CNTNAP2: variants seen among roughly 807,000 people sequenced by gnomAD.
CNTNAP2 encodes contactin associated protein 2.
In CNTNAP2, 98 loss-of-function variants were observed where a neutral mutation model predicts 155.2. The ratio of observed to expected loss-of-function variants is 0.63; its 90% CI spans 0.54 to 0.75. The LOEUF is 0.75. CNTNAP2 is among the 30% of genes least tolerant of loss of function. The pLI, the probability that CNTNAP2 is intolerant of heterozygous loss-of-function variation, is 0.00. For synonymous variants in CNTNAP2, 651 were observed against 631.2 expected, an observed-to-expected ratio of 1.03 and a Z score of -0.47; for missense variants, 1,727 against 1,688.1, an observed-to-expected ratio of 1.02 and a Z score of -0.40.
chr7:146,999,812 T>C (rs928649032), intron 3 of CNTNAP2, among the ~76,000 whole-genome samples: 1 of 152,106 alleles, frequency 6.6e-6, no homozygotes. Context: ...CCAAATCCTC[T>C]TTTTTCTTTG....
intron 13 of CNTNAP2, among the ~76,000 whole-genome samples, chr7:147,880,151 A>G (rs1799493883): frequency 6.6e-6 from 1 of 152,200 alleles, no homozygotes; most frequent in African/African-American, 2.4e-5. Context: ...TTGATTCAGG[A>G]GCTGGACCTC....
At chr7:147,949,019 C>G (rs58011827) in intron 14 of CNTNAP2, among the ~76,000 whole-genome samples, 1 of 151,430 alleles carries the variant, frequency 6.6e-6, no homozygotes, top group Non-Finnish European at 1.5e-5. Context: ...CTGAACAACA[C>G]GGAGAAACCC....
intron 11 of CNTNAP2, among the ~76,000 whole-genome samples, chr7:147,498,168 T>C (rs1460352337): frequency 1.0e-5 from 1 of 97,374 alleles, no homozygotes; most frequent in South Asian, 3.0e-4. Flanking sequence ...GCCCAAGCTA[T>C]GATAAAAAAA....
chr7:148,323,680 A>G (rs993458694), intron 21 of CNTNAP2, among the ~76,000 whole-genome samples: 16 of 152,082 alleles, frequency 1.1e-4, no homozygotes, highest in Admixed American at 7.2e-4. Flanking sequence ...TCTAATAGTC[A>G]CCATCTGTGT....
At chr7:146,151,662 A>G (rs777140591) in intron 1 of CNTNAP2, among the ~76,000 whole-genome samples, 1,022 of 43,648 alleles carry the variant, frequency 0.023, 28 homozygotes, top group Non-Finnish European at 0.035. Context: ...ATATATATAT[A>G]TATATATATA....
intron 10 of CNTNAP2, among the ~76,000 whole-genome samples, chr7:147,473,183 A>G (rs1235799173): frequency 6.6e-6 from 1 of 152,208 alleles, no homozygotes; most frequent in Non-Finnish European, 1.5e-5. Context: ...CTGAAGTGTT[A>G]AGAGCTTGCT....
intron 2 of CNTNAP2, among the ~76,000 whole-genome samples, chr7:146,784,208 T>C (rs1208571665): frequency 6.6e-6 from 1 of 152,178 alleles, no homozygotes; most frequent in East Asian, 1.9e-4. Context: ...CCAAATTCTA[T>C]ATATCTTAAT....
At chr7:147,663,500 T>A (rs1487543979) in intron 13 of CNTNAP2, among the ~76,000 whole-genome samples, 1 of 152,238 alleles carries the variant, frequency 6.6e-6, no homozygotes, top group Non-Finnish European at 1.5e-5. Context: ...ATGACTTCTC[T>A]TCACATAAAA....
At chr7:146,642,165 TTTA>T (rs967925700) in intron 1 of CNTNAP2, among the ~76,000 whole-genome samples, 8 of 152,042 alleles carry the variant, frequency 5.3e-5, no homozygotes, top group Non-Finnish European at 7.4e-5. Flanking sequence ...ATTTTTTAAT[TTTA>T]TTATTATACT....
At chr7:146,387,319 C>T (rs1369710382) in intron 1 of CNTNAP2, among the ~76,000 whole-genome samples, 1 of 152,164 alleles carries the variant, frequency 6.6e-6, no homozygotes, top group Non-Finnish European at 1.5e-5. Context: ...CAAGAGCAGA[C>T]ATTCAAGATC....
chr7:146,762,460 G>A (rs186849046), intron 1 of CNTNAP2, among the ~76,000 whole-genome samples: 61 of 152,142 alleles, frequency 4.0e-4, no homozygotes, highest in African/African-American at 1.4e-3. Context: ...TTAGCCGGAC[G>A]TGGTGGCACA....
chr7:146,455,232 C>T lies in CNTNAP2; in HGVS notation c.98-319039C>T, dbSNP rs192520683. On this transcript the variant is annotated intron_variant, in intron 1 of 23. Coordinates refer to ENST00000361727, the MANE Select transcript of CNTNAP2 (RefSeq NM_014141.6). ...TACCCTTGCAGAGAACAGTATCTCT[C>T]TATAAGGACATACAAAAGAAAACTG... Among the ~76,000 whole-genome samples, 411 of 152,296 alleles carry T rather than the reference C, an allele frequency of 2.7e-3. 6 individuals carry two copies. Among genetic ancestry groups the T allele is most frequent in the Admixed American group, 3.3e-3 (50 of 15,294 alleles).
intron 3 of CNTNAP2, among the ~76,000 whole-genome samples, chr7:146,987,594 C>T (rs1411746695): frequency 2.6e-5 from 4 of 152,002 alleles, no homozygotes; most frequent in African/African-American, 9.7e-5. Flanking sequence ...TTTTTCTGGC[C>T]TCATTCTATC....
intron 13 of CNTNAP2, among the ~76,000 whole-genome samples, chr7:147,838,062 A>G: frequency 6.6e-6 from 1 of 152,142 alleles, no homozygotes; most frequent in East Asian, 1.9e-4. Flanking sequence ...ACTTCTGTAT[A>G]CCTTCAGGCT....
Position 148,301,225 on chromosome 7 carries a change from C to T in CNTNAP2, c.3475+34099C>T, listed in dbSNP as rs557219939. ...AGGAGAATCACTGGAACCCGGGATG[C>T]GGAGGTTGTAGTTAGCCAAGATCAT... On this transcript the variant is annotated intron_variant, in intron 21 of 23. Transcript: ENST00000361727. Among the ~76,000 whole-genome samples the T allele has an allele frequency of 1.1e-3, 164 of 148,886 alleles. 1 individual carries two copies. The highest frequency in any genetic ancestry group is 3.5e-3 in the Middle Eastern group (1 of 282).
chr7:147,963,276 G>A (rs1050941851), intron 14 of CNTNAP2, among the ~76,000 whole-genome samples: 2 of 152,000 alleles, frequency 1.3e-5, no homozygotes, highest in Non-Finnish European at 2.9e-5. Flanking sequence ...TGAAACCAAG[G>A]CCCCAGAAAA....
chr7:147,178,122 G>A (rs1233656685), intron 8 of CNTNAP2, among the ~76,000 whole-genome samples: 2 of 152,092 alleles, frequency 1.3e-5, no homozygotes, highest in African/African-American at 4.8e-5. Flanking sequence ...ATGGCAAAAG[G>A]GACTTTGCAG....
chr7:147,922,822 A>G (rs1239699585), intron 14 of CNTNAP2, among the ~76,000 whole-genome samples: 1 of 152,190 alleles, frequency 6.6e-6, no homozygotes, highest in Non-Finnish European at 1.5e-5. Flanking sequence ...ATTGTTAGTA[A>G]AGAGAGGATG....
chr7:147,140,898 C>G (rs1457374990), intron 8 of CNTNAP2, among the ~76,000 whole-genome samples: 1 of 152,096 alleles, frequency 6.6e-6, no homozygotes, highest in African/African-American at 2.4e-5. Flanking sequence ...TGAGCTAGCT[C>G]CTTGCTGTAC....
Sources: gnomAD v4.1 joint callset for allele counts (sites outside exome capture counted in the v4.1 genomes callset) on GRCh38, gnomAD v4.1.1 for gene constraint, MANE v1.5 for transcripts, NCBI Gene and HGNC (gene_info 2026-07-23, HGNC 2026-07-21) for gene names.